The following TASP1 variants were observed in gnomAD, a reference collection of about 807,000 sequenced individuals.
TASP1 encodes the protein threonine aspartase 1.
A neutral mutation model predicts 56.6 loss-of-function variants in TASP1; 16 were observed. The ratio of observed to expected loss-of-function variants is 0.28; its 90% CI spans 0.19 to 0.43. The LOEUF is 0.43. TASP1 is among the 20% of genes least tolerant of loss of function. The pLI, the probability that TASP1 is intolerant of heterozygous loss-of-function variation, is 1.00. For missense variants in TASP1, 393 were observed against 511.6 expected (o/e 0.77, Z 2.24); for synonymous variants, 179 against 184.2 (o/e 0.97, Z 0.23).
chr20:13,154,215 A>C, the TASP1 span: 18 of 1,566,180 alleles, frequency 1.1e-5, no homozygotes, highest in Non-Finnish European at 1.6e-5. Flanking sequence ...CAGGCGTTAG[A>C]TTATGCATCT....
intron 10 of TASP1, among the ~76,000 whole-genome samples, chr20:13,485,298 A>T (rs928938112): frequency 2.6e-5 from 4 of 152,186 alleles, no homozygotes; most frequent in African/African-American, 9.6e-5. Context: ...ATTAGAAATA[A>T]GATTACATTC....
chr20:13,469,937 T>G (rs1447996845), intron 11 of TASP1, among the ~76,000 whole-genome samples: 1 of 149,438 alleles, frequency 6.7e-6, no homozygotes, highest in Non-Finnish European at 1.5e-5. Flanking sequence ...GCCTCCCGAG[T>G]AGCAGGAACT....
At chr20:13,343,400 G>A in the TASP1 span, among the ~76,000 whole-genome samples, 72 of 152,358 alleles carry the variant, frequency 4.7e-4, no homozygotes, top group East Asian at 9.5e-3. Flanking sequence ...ACAATGCTGA[G>A]TTCAGTTCTC....
the TASP1 span, among the ~76,000 whole-genome samples, chr20:13,135,836 TTC>T: frequency 7.9e-5 from 12 of 152,250 alleles, no homozygotes; most frequent in East Asian, 1.3e-3. Context: ...ACTTAATCAA[TTC>T]TCTCTCAGCT....
chr20:13,193,460 C>G, the TASP1 span, among the ~76,000 whole-genome samples: 6 of 152,170 alleles, frequency 3.9e-5, no homozygotes, highest in African/African-American at 9.7e-5. Flanking sequence ...TGACCTGAGT[C>G]AAGCTACGTC....
intron 2 of TASP1, among the ~76,000 whole-genome samples, chr20:13,628,514 C>T (rs751040680): frequency 1.3e-5 from 2 of 152,132 alleles, no homozygotes; most frequent in Non-Finnish European, 2.9e-5. Flanking sequence ...TGGGATTAAA[C>T]CTGGTTTCTG....
the TASP1 span, among the ~76,000 whole-genome samples, chr20:13,160,949 T>A: frequency 6.6e-6 from 1 of 152,150 alleles, no homozygotes; most frequent in Non-Finnish European, 1.5e-5. Context: ...CATTCAAGAC[T>A]TCCAATCAGT....
At chr20:13,502,940 GC>G (rs2043999351) in intron 10 of TASP1, among the ~76,000 whole-genome samples, 1 of 152,168 alleles carries the variant, frequency 6.6e-6, no homozygotes, top group African/African-American at 2.4e-5. Flanking sequence ...AGGTGGCACA[GC>G]TCAGTGCCAA....
chr20:13,365,649 G>A, the TASP1 span, among the ~76,000 whole-genome samples: 4 of 152,182 alleles, frequency 2.6e-5, no homozygotes, highest in South Asian at 2.1e-4. Flanking sequence ...CCGCAGTGGC[G>A]AGGGGAGAGC....
intron 1 of TASP1, among the ~76,000 whole-genome samples, chr20:13,633,881 A>G (rs1247785453): frequency 6.6e-6 from 1 of 152,118 alleles, no homozygotes; most frequent in East Asian, 1.9e-4. Context: ...TTTATTTCTG[A>G]CAAAAATGTT....
intron 1 of TASP1, among the ~76,000 whole-genome samples, chr20:13,630,359 A>C (rs2147589231): frequency 6.6e-6 from 1 of 152,288 alleles, no homozygotes; most frequent in South Asian, 2.1e-4. Context: ...GGGTAATATA[A>C]AAAGGTTAGA....
the TASP1 span, among the ~76,000 whole-genome samples, chr20:13,354,819 G>C: frequency 6.6e-6 from 1 of 152,072 alleles, no homozygotes; most frequent in African/African-American, 2.4e-5. Context: ...AAAAAAAACG[G>C]AACAAAGAAA....
At chr20:13,476,160 T>C (rs1032502902) in intron 11 of TASP1, among the ~76,000 whole-genome samples, 4 of 152,118 alleles carry the variant, frequency 2.6e-5, no homozygotes, top group African/African-American at 7.2e-5. Context: ...ATAAAGTCTT[T>C]GGTAGTCTGG....
chr20:13,447,014 C>T (rs1330945825), intron 11 of TASP1, among the ~76,000 whole-genome samples: 2 of 152,102 alleles, frequency 1.3e-5, no homozygotes, highest in Non-Finnish European at 2.9e-5. Context: ...ACATATTTAC[C>T]TTTCACACGT....
chr20:13,299,713 A>G, the TASP1 span: 1 of 387,578 alleles, frequency 2.6e-6, no homozygotes, highest in Non-Finnish European at 4.6e-6. The surrounding 1 kb of genome is among the most constrained non-coding windows in gnomAD (Gnocchi z 5.8). Context: ...GATGGGGACA[A>G]CTTGGAAGCC....
the TASP1 span, among the ~76,000 whole-genome samples, chr20:13,241,336 AAG>A: frequency 6.6e-6 from 1 of 152,332 alleles, no homozygotes; most frequent in South Asian, 2.1e-4. Context: ...GTGGTCAAAA[AAG>A]AGTTTTTGGT....
the TASP1 span, among the ~76,000 whole-genome samples, chr20:13,347,532 A>C: frequency 2.0e-5 from 3 of 152,194 alleles, no homozygotes; most frequent in Admixed American, 1.3e-4. Context: ...AGTTGCCTCA[A>C]TTTGAGCAAT....
the TASP1 span, among the ~76,000 whole-genome samples, chr20:13,260,882 G>A: frequency 6.6e-6 from 1 of 152,188 alleles, no homozygotes; most frequent in Non-Finnish European, 1.5e-5. Flanking sequence ...AGCCTGGGGA[G>A]GCTCAGCCAG....
the TASP1 span, among the ~76,000 whole-genome samples, chr20:13,231,344 G>A: frequency 6.6e-6 from 1 of 152,220 alleles, no homozygotes; most frequent in African/African-American, 2.4e-5. Flanking sequence ...CAGGAAGAGG[G>A]AAATTCCAAA....
Sources: allele counts gnomAD v4.1 joint callset (sites outside exome capture counted in the v4.1 genomes callset), GRCh38; gene constraint gnomAD v4.1.1; non-coding constraint Gnocchi (gnomAD v3.1); transcripts MANE v1.5; gene names NCBI Gene and HGNC (gene_info 2026-07-23, HGNC 2026-07-21).